Variants in SLC9A6 observed in about 807,000 individuals in gnomAD.
SLC9A6 encodes solute carrier family 9 member A6.
In SLC9A6, 6 loss-of-function variants were observed where a neutral mutation model predicts 45.3. The observed-to-expected ratio is 0.13, with a 90% CI of 0.07 to 0.26. The LOEUF (loss-of-function observed/expected upper bound fraction) is 0.26. SLC9A6 is among the 10% of genes least tolerant of loss of function. The pLI is 1.00. For synonymous variants in SLC9A6, 191 were observed against 187.7 expected (o/e 1.02, Z -0.14); for missense variants, 278 against 503.7 (o/e 0.55, Z 4.29).
chrX:136,013,061 G>C lies in SLC9A6; in HGVS notation c.991+7G>C. 1.7e-6 allele frequency: 2 copies of C among 1,150,647 alleles called. No homozygotes were observed. Among genetic ancestry groups the C allele is most frequent in the Non-Finnish European group, 2.4e-6 (2 of 839,744 alleles). The allele number at this position is 1,150,647 out of a possible 1,213,427, so 94.8% of individuals were successfully genotyped here. A position where few individuals can be genotyped will look rare whatever the true frequency, so the allele number is the denominator to read the frequency against. On this transcript the variant is annotated splice_region_variant and intron_variant, in intron 9 of 17. Coordinates refer to ENST00000630721, the MANE Select transcript of SLC9A6 (RefSeq NM_001379110.1). ...GAAGCATGGGGCTTCACAGGTAGGTGACTTGCTCCCTTTGATTGTCAACCC... is the reference window on the plus strand; with the variant it reads ...GAAGCATGGGGCTTCACAGGTAGGTCACTTGCTCCCTTTGATTGTCAACCC...
Position 136,010,597 on chromosome X carries a change from A to T in SLC9A6, c.885+14A>T, listed in dbSNP as rs1556618522. On this transcript the variant is annotated intron_variant, in intron 8 of 17. Transcript: ENST00000630721. Reference sequence around the variant, plus strand: ...GTGACAGCTTTAATATCCTTTTGTTATATTTATCTTTTCTTGTTAACATAA... The same window carrying T: ...GTGACAGCTTTAATATCCTTTTGTTTTATTTATCTTTTCTTGTTAACATAA... 5.8e-6 allele frequency: 7 copies of T among 1,198,060 alleles called. No homozygotes were observed. Among genetic ancestry groups the T allele is most frequent in the Non-Finnish European group, 7.9e-6 (7 of 883,233 alleles).
At chrX:135,985,927 T>C (rs2089329958) in intron 2 of SLC9A6, 100 bp downstream of exon 2, 2 of 1,001,264 alleles carry the variant, frequency 2.0e-6, no homozygotes, top group African/African-American at 3.7e-5. Context: ...TACGTTCGGC[T>C]CCCCTTCTAA....
At position 136,010,446 on chromosome X, in the gene SLC9A6, A is replaced by G; in HGVS notation, c.748A>G (p.Ile250Val). The change falls in exon 8 of 18, where the codon ATA becomes GTA. Residue 250 changes from isoleucine (I) to valine (V), a missense_variant. Ile to Val is a conservative substitution (Grantham distance 29). Coordinates refer to ENST00000630721, the MANE Select transcript of SLC9A6 (RefSeq NM_001379110.1). ...AAAGCAGTCTCTCTTCTGTAGCTCAATAGTGGCATACCAGCCAGCTGGAGA... is the reference window on the plus strand; with the variant it reads ...AAAGCAGTCTCTCTTCTGTAGCTCAGTAGTGGCATACCAGCCAGCTGGAGA... ...DAVAIVLSSS[I>V]VAYQPAGDNS... 1.7e-6 allele frequency: 2 copies of G among 1,211,161 alleles called. No homozygotes were observed. The highest frequency in any genetic ancestry group is 2.2e-6 in the Non-Finnish European group (2 of 894,959).
At chrX:135,984,853 A>G (rs1404059124), upstream of SLC9A6, among the ~76,000 whole-genome samples, 5 of 112,025 alleles carry the variant, frequency 4.5e-5, no homozygotes, top group African/African-American at 1.6e-4. Flanking sequence ...TTCTGTGTAC[A>G]GATTCCTAGC....
At chrX:136,011,000 C>A (rs2070909736) in intron 8 of SLC9A6, among the ~76,000 whole-genome samples, 1 of 111,927 alleles carries the variant, frequency 8.9e-6, no homozygotes, top group Non-Finnish European at 1.9e-5. Flanking sequence ...AAATGTGTTT[C>A]CTTGGTTAGG....
chrX:135,975,702 T>C (rs1266931788), intron 1 of SLC9A6, among the ~76,000 whole-genome samples: 1 of 112,326 alleles, frequency 8.9e-6, no homozygotes, highest in African/African-American at 3.2e-5. Context: ...TTCCAATCTT[T>C]TGAATTGGGC....
upstream of SLC9A6, chrX:135,974,569 T>C: frequency 3.0e-6 from 1 of 338,503 alleles, no homozygotes; most frequent in African/African-American, 2.7e-5. Context: ...TATAGACCCC[T>C]GACAGTTGTG....
chrX:136,045,333 T>C lies in SLC9A6; in HGVS notation c.*609T>C, dbSNP rs1478143353. Reference sequence around the variant, plus strand: ...CGCTTGCTGTGAAAGCACAGATTCATTGACTACAGTACACTGTTGTTCAGA... The same window carrying C: ...CGCTTGCTGTGAAAGCACAGATTCACTGACTACAGTACACTGTTGTTCAGA... On this transcript the variant is annotated 3_prime_UTR_variant, in exon 18 of 18. Coordinates refer to ENST00000630721, the MANE Select transcript of SLC9A6 (RefSeq NM_001379110.1). 1 of 116,374 alleles carries C rather than the reference T, an allele frequency of 8.6e-6. No individual in the cohort carries two copies. Among genetic ancestry groups the C allele is most frequent in the Non-Finnish European group, 1.8e-5 (1 of 55,800 alleles). The allele number at this position is 116,374 out of a possible 1,213,427, so 9.6% of individuals were successfully genotyped here.
chrX:136,003,903 TAATA>T (rs1274489882), intron 7 of SLC9A6, among the ~76,000 whole-genome samples: 2 of 111,000 alleles, frequency 1.8e-5, no homozygotes, highest in East Asian at 5.6e-4. Context: ...CTAGAAGTGT[TAATA>T]TATATTATAG....
At chrX:136,005,919 G>A (rs781986823) in intron 7 of SLC9A6, among the ~76,000 whole-genome samples, 12 of 111,619 alleles carry the variant, frequency 1.1e-4, no homozygotes, top group African/African-American at 3.9e-4. Flanking sequence ...GGTGGAGAAG[G>A]ACTGTATCTT....
At chrX:136,032,206 T>C (rs782510239) in intron 15 of SLC9A6, among the ~76,000 whole-genome samples, 3 of 112,410 alleles carry the variant, frequency 2.7e-5, no homozygotes, top group African/African-American at 9.7e-5. Context: ...TAGCTGAGAC[T>C]ATAGGTGCCT....
intron 14 of SLC9A6, among the ~76,000 whole-genome samples, chrX:136,029,221 G>A (rs1468157437): frequency 9.0e-6 from 1 of 111,155 alleles, no homozygotes; most frequent in Non-Finnish European, 1.9e-5. Context: ...CTAGAATGGG[G>A]CATGTAGAAG....
chrX:136,024,263 C>A, intron 12 of SLC9A6, 67 bp from the exon 13 acceptor site: 1 of 1,122,139 alleles, frequency 8.9e-7, no homozygotes, highest in Non-Finnish European at 1.2e-6. Context: ...TGCTTTCTTG[C>A]TCTGAATTTA....
chrX:136,012,987 G>A lies in SLC9A6; in HGVS notation c.924G>A (p.Leu308=). ...KFTKLREFQL[L]ETGLFFLMSW... is the part of the protein sequence containing the mutation. ...CCAAATTACGGGAGTTCCAGTTGTT[G>A]GAGACAGGCCTGTTCTTCTTGATGT... The change falls in exon 9 of 18, where the codon TTG becomes TTA. Residue 308 remains leucine, a synonymous_variant. Transcript: ENST00000630721. 1.7e-6 allele frequency: 2 copies of A among 1,210,608 alleles called. No homozygotes were observed. Among genetic ancestry groups the A allele is most frequent in the Non-Finnish European group, 2.2e-6 (2 of 894,494 alleles).
At chrX:135,994,738 G>A (rs1471304740) in intron 2 of SLC9A6, 48 bp from the exon 3 acceptor site, 12 of 1,130,093 alleles carry the variant, frequency 1.1e-5, no homozygotes, top group Non-Finnish European at 1.5e-5. Flanking sequence ...GGGTACAAAA[G>A]AAGTGGTCTC....
At chrX:135,975,552 G>A in intron 1 of SLC9A6, among the ~76,000 whole-genome samples, 1 of 112,217 alleles carries the variant, frequency 8.9e-6, no homozygotes, top group African/African-American at 3.2e-5. Flanking sequence ...TGTAAGCTCT[G>A]AGAGAACAGA....
In SLC9A6 at chrX:136,024,433, G is replaced by T; in HGVS notation, c.1410G>T (p.Val470=). ...CGCTTCTGATTGTGTTTTTTACCGT[G>T]TGGGTATTTGGTGGTGGCACCACTG... ...STTLLIVFFT[V]WVFGGGTTAM... The change falls in exon 13 of 18, where the codon GTG becomes GTT. Residue 470 remains valine (V), a synonymous_variant. Transcript: ENST00000630721. 1 of 1,210,930 alleles carries T rather than the reference G, an allele frequency of 8.3e-7. No individual in the cohort carries two copies. Among genetic ancestry groups the T allele is most frequent in the Non-Finnish European group, 1.1e-6 (1 of 894,968 alleles).
chrX:135,983,670 C>T (rs1207120371), upstream of SLC9A6: 1 of 104,517 alleles, frequency 9.6e-6, no homozygotes, highest in Non-Finnish European at 1.9e-5. Context: ...CATTTCCTGA[C>T]TCTGGTCAGG....
At chrX:136,002,946 A>T (rs782216762) in intron 7 of SLC9A6, among the ~76,000 whole-genome samples, 1 of 110,778 alleles carries the variant, frequency 9.0e-6, no homozygotes, top group Non-Finnish European at 1.9e-5. Flanking sequence ...ACACTCTTAC[A>T]TCTGTCCTCA....
Sources: allele counts gnomAD v4.1 joint callset (sites outside exome capture counted in the v4.1 genomes callset), GRCh38; gene constraint gnomAD v4.1.1; transcripts MANE v1.5; gene names NCBI Gene and HGNC (gene_info 2026-07-23, HGNC 2026-07-21).